Variants in ZNF438 observed in about 807,000 individuals in gnomAD.
ZNF438 encodes the protein zinc finger protein 438.
ZNF438 carries 25 observed loss-of-function variants against 38.0 expected under a neutral mutation model. That is an observed-to-expected ratio of 0.66 (90% confidence interval 0.48 to 0.92). The LOEUF is 0.92. Among genes scored for constraint, ZNF438 ranks in the 40% least tolerant of loss-of-function variants. The pLI, the probability that ZNF438 is intolerant of heterozygous loss-of-function variation, is 0.00. For synonymous variants in ZNF438, 372 were observed against 364.1 expected (o/e 1.02, Z -0.25); for missense variants, 1,007 against 999.6 (o/e 1.01, Z -0.10).
intron 1 of ZNF438, among the ~76,000 whole-genome samples, chr10:30,943,700 A>G (rs1003120446): frequency 6.6e-6 from 1 of 152,166 alleles, no homozygotes; most frequent in Non-Finnish European, 1.5e-5. Context: ...AGTAACAGGA[A>G]TTAGAAAAGG....
intron 4 of ZNF438, among the ~76,000 whole-genome samples, chr10:30,858,213 G>A (rs2133063508): frequency 6.6e-6 from 1 of 152,344 alleles, no homozygotes; most frequent in Admixed American, 6.5e-5. Flanking sequence ...TTTAGGTGTT[G>A]TTCTGGTTTT....
intron 1 of ZNF438, among the ~76,000 whole-genome samples, chr10:30,956,053 C>T (rs536630207): frequency 6.6e-6 from 1 of 152,284 alleles, no homozygotes; most frequent in Admixed American, 6.5e-5. Context: ...TTTCGTCTTA[C>T]TAAATAAACT....
intron 1 of ZNF438, among the ~76,000 whole-genome samples, chr10:30,992,068 C>G (rs1414752529): frequency 6.6e-6 from 1 of 152,218 alleles, no homozygotes; most frequent in Admixed American, 6.5e-5. Context: ...AGCTACTAAT[C>G]TATGGCTGAA....
intron 3 of ZNF438, among the ~76,000 whole-genome samples, chr10:30,901,721 A>C (rs1253836932): frequency 6.8e-6 from 1 of 146,784 alleles, no homozygotes; most frequent in East Asian, 2.1e-4. Flanking sequence ...CGTGGTCGCC[A>C]AAATGTGTCC....
Position 30,911,372 on chromosome 10 carries a change from G to A in ZNF438, c.-114-2357C>T, listed in dbSNP as rs977412872. On this transcript the variant is annotated intron_variant, in intron 2 of 5. Transcript: ENST00000413025. ...GTTCTCTAAAATAAGTAAAATGTAA[G>A]ATAACATGTGATGTGTCAGAAGACG... Among the ~76,000 whole-genome samples, 4 of 152,170 alleles carry A rather than the reference G, an allele frequency of 2.6e-5. No individual in the cohort carries two copies. In the East Asian group the frequency reaches 7.7e-4, roughly 29 times the overall value.
chr10:30,935,678 A>G (rs1333107468), intron 2 of ZNF438, among the ~76,000 whole-genome samples: 1 of 152,214 alleles, frequency 6.6e-6, no homozygotes, highest in Non-Finnish European at 1.5e-5. Context: ...TATAAAGAAA[A>G]AAGGTTGAAT....
At chr10:30,958,036 C>G (rs1318885726) in intron 1 of ZNF438, among the ~76,000 whole-genome samples, 2 of 146,796 alleles carry the variant, frequency 1.4e-5, no homozygotes, top group Non-Finnish European at 1.5e-5. Flanking sequence ...ATGCCTCCAG[C>G]TTTGTTCTTT....
intron 3 of ZNF438, among the ~76,000 whole-genome samples, chr10:30,900,554 T>C (rs990972936): frequency 3.3e-5 from 5 of 152,244 alleles, no homozygotes; most frequent in Non-Finnish European, 5.9e-5. Context: ...GCATTAAGTA[T>C]ACGCTAATTT....
At chr10:30,983,745 G>C (rs796150991) in intron 1 of ZNF438, among the ~76,000 whole-genome samples, 1 of 151,700 alleles carries the variant, frequency 6.6e-6, no homozygotes, top group South Asian at 2.1e-4. Flanking sequence ...TTTAAACCAT[G>C]GTCCAGAAAA....
chr10:30,972,652 C>G (rs1350491979), intron 1 of ZNF438, among the ~76,000 whole-genome samples: 1 of 152,122 alleles, frequency 6.6e-6, no homozygotes, highest in African/African-American at 2.4e-5. Context: ...ACAAATCCAG[C>G]TTAAAATATA....
In ZNF438 at chr10:30,997,492, G is replaced by T. The variant is rs746881754; in HGVS notation, c.-192+34341C>A. Reference sequence around the variant, plus strand: ...AGGCAGAAAGGAATTAAAGCTCTAGGCAAATAAATTGGCCTTGGAAGATAC... The same window carrying T: ...AGGCAGAAAGGAATTAAAGCTCTAGTCAAATAAATTGGCCTTGGAAGATAC... On this transcript the variant is annotated intron_variant, in intron 1 of 5. Coordinates refer to ENST00000413025, the Ensembl canonical transcript of ZNF438. Among the ~76,000 whole-genome samples, 7 of 151,978 alleles carry T rather than the reference G, an allele frequency of 4.6e-5. No homozygotes were observed. The South Asian group carries it at 1.0e-3, about 22-fold the overall frequency.
intron 1 of ZNF438, among the ~76,000 whole-genome samples, chr10:30,963,726 C>T (rs1188857403): frequency 6.6e-6 from 1 of 152,116 alleles, no homozygotes; most frequent in Admixed American, 6.5e-5. Context: ...CTAAAAACTA[C>T]AAAAATTAGC....
At chr10:30,872,543 G>A (rs2037638020) in intron 4 of ZNF438, among the ~76,000 whole-genome samples, 2 of 148,554 alleles carry the variant, frequency 1.3e-5, no homozygotes, top group South Asian at 4.4e-4. Flanking sequence ...GAGGTCAGGA[G>A]ATTGAGACCA....
chr10:30,948,884 C>T (rs962855024), intron 1 of ZNF438, among the ~76,000 whole-genome samples: 9 of 151,518 alleles, frequency 5.9e-5, no homozygotes, highest in Non-Finnish European at 8.9e-5. Flanking sequence ...CGTTCAGATT[C>T]AGGAAATACA....
chr10:30,852,233 G>A (rs2033791913), intron 4 of ZNF438, among the ~76,000 whole-genome samples: 1 of 150,176 alleles, frequency 6.7e-6, no homozygotes, highest in Admixed American at 6.6e-5. Flanking sequence ...TTTTTGAGAC[G>A]GAGTTTTGCT....
At position 30,876,989 on chromosome 10, in the gene ZNF438, T is replaced by G; in HGVS notation, c.37+9A>C. On this transcript the variant is annotated intron_variant, in intron 4 of 5. Transcript: ENST00000413025. ...ACTCATCACCATTTTCCTCAGCAGTTTAACTTACCTTCATCTTTTGGTGGT... is the reference window on the plus strand; with the variant it reads ...ACTCATCACCATTTTCCTCAGCAGTGTAACTTACCTTCATCTTTTGGTGGT... 6.2e-7 allele frequency: 1 copy of G among 1,604,724 alleles called. No individual in the cohort carries two copies. Among genetic ancestry groups the G allele is most frequent in the Non-Finnish European group, 8.5e-7 (1 of 1,175,370 alleles).
chr10:31,023,651 C>T (rs1206466224), intron 1 of ZNF438, among the ~76,000 whole-genome samples: 1 of 152,146 alleles, frequency 6.6e-6, no homozygotes, highest in East Asian at 1.9e-4. Flanking sequence ...TGTTCTTTGG[C>T]TCTAGTCCTA....
intron 4 of ZNF438, among the ~76,000 whole-genome samples, chr10:30,861,038 T>C (rs1564510047): frequency 1.3e-5 from 2 of 152,190 alleles, no homozygotes; most frequent in Non-Finnish European, 2.9e-5. Flanking sequence ...AGAGGAACTA[T>C]AGCCCCTAAA....
intron 1 of ZNF438, among the ~76,000 whole-genome samples, chr10:30,943,191 G>A (rs182949334): frequency 3.9e-5 from 6 of 152,200 alleles, no homozygotes; most frequent in Non-Finnish European, 8.8e-5. Context: ...AAATTCAAGA[G>A]AAGATGGGAA....
Sources: gnomAD v4.1 joint callset for allele counts (sites outside exome capture counted in the v4.1 genomes callset) on GRCh38, gnomAD v4.1.1 for gene constraint, MANE v1.5 for transcripts, NCBI Gene and HGNC (gene_info 2026-07-23, HGNC 2026-07-21) for gene names.